The following PARD3 variants were observed in gnomAD, a reference collection of about 807,000 sequenced individuals.
PARD3 encodes partitioning defective 3 homolog.
In PARD3, 75 loss-of-function variants were observed where a neutral mutation model predicts 155.4. The observed-to-expected ratio is 0.48, with a 90% CI of 0.40 to 0.58. The LOEUF (loss-of-function observed/expected upper bound fraction) is 0.58, where lower values mean the gene tolerates loss of function less well. PARD3 is among the 20% of genes least tolerant of loss of function. PARD3 has a pLI of 0.00. For missense variants in PARD3, 1,642 were observed against 1,721.7 expected (o/e 0.95, Z 0.82); for synonymous variants, 576 against 610.5 (o/e 0.94, Z 0.83).
chr10:34,522,262 G>A (rs1229112081), intron 2 of PARD3, among the ~76,000 whole-genome samples: 1 of 152,140 alleles, frequency 6.6e-6, no homozygotes, highest in East Asian at 1.9e-4. Context: ...GACAAACAAA[G>A]GGAGTCATGA....
At chr10:34,395,259 T>C (rs1406891536) in intron 7 of PARD3, among the ~76,000 whole-genome samples, 2 of 152,102 alleles carry the variant, frequency 1.3e-5, no homozygotes, top group African/African-American at 4.8e-5. Flanking sequence ...GGTCTTGAAC[T>C]CTTGACCTGA....
chr10:34,308,854 C>T (rs1002911357), intron 20 of PARD3, among the ~76,000 whole-genome samples: 4 of 152,056 alleles, frequency 2.6e-5, no homozygotes, highest in African/African-American at 9.7e-5. Flanking sequence ...ACCTGGGGCA[C>T]AAGACCTGGA....
chr10:34,569,575 A>G (rs1288529517), intron 2 of PARD3, among the ~76,000 whole-genome samples: 1 of 151,658 alleles, frequency 6.6e-6, no homozygotes, highest in Non-Finnish European at 1.5e-5. Context: ...CCGCCATCAC[A>G]CCCAGCTAAT....
intron 20 of PARD3, among the ~76,000 whole-genome samples, chr10:34,315,531 G>A (rs1361259393): frequency 6.6e-6 from 1 of 152,166 alleles, no homozygotes; most frequent in Non-Finnish European, 1.5e-5. Context: ...AGTCTCAGGG[G>A]AAGGTTTCTC....
At chr10:34,475,638 T>C (rs961221973) in intron 3 of PARD3, among the ~76,000 whole-genome samples, 1 of 152,236 alleles carries the variant, frequency 6.6e-6, no homozygotes, top group South Asian at 2.1e-4. Context: ...TACTGAGTTA[T>C]GCCAATCTTC....
At chr10:34,258,400 G>A (rs563854783) in intron 22 of PARD3, among the ~76,000 whole-genome samples, 1 of 152,186 alleles carries the variant, frequency 6.6e-6, no homozygotes. Flanking sequence ...GTTATCGGGG[G>A]GAGCAGGCTA....
rs1009945835 is a variant in PARD3, at chr10:34,702,336, C to G, written c.121-5917G>C. ...GCGTCACTGCATTCCAGCCTGGGCA[C>G]AGTAAGACCGTGTCTCAGAAAAAAT... On this transcript the variant is annotated intron_variant, in intron 1 of 24. Transcript: ENST00000374788. 2.0e-5 allele frequency among the ~76,000 whole-genome samples: 3 copies of G among 151,758 alleles called. No homozygotes were observed. The East Asian group carries it at 5.8e-4, about 29-fold the overall frequency.
In PARD3 at chr10:34,139,298, C is replaced by T. The variant is rs986138428; in HGVS notation, c.3420-7715G>A. On this transcript the variant is annotated intron_variant, in intron 22 of 24. Transcript: ENST00000374788. ...TCCTTGGGTAACAACTCAATCTTCA[C>T]AGGAGGTTCTTGCACTTCAGTCCCC... 3.3e-5 allele frequency among the ~76,000 whole-genome samples: 5 copies of T among 152,314 alleles called. No homozygotes were observed. In the South Asian group the frequency reaches 6.2e-4, roughly 19 times the overall value.
intron 2 of PARD3, among the ~76,000 whole-genome samples, chr10:34,534,577 T>G (rs1363721134): frequency 6.6e-6 from 1 of 152,126 alleles, no homozygotes; most frequent in Non-Finnish European, 1.5e-5. Flanking sequence ...GCCATAAACT[T>G]CTGAGGTCAT....
intron 2 of PARD3, among the ~76,000 whole-genome samples, chr10:34,568,796 T>C (rs2086161235): frequency 6.6e-6 from 1 of 152,200 alleles, no homozygotes; most frequent in South Asian, 2.1e-4. Flanking sequence ...TTTCCTCAAT[T>C]GTAAAAAAGA....
intron 19 of PARD3, among the ~76,000 whole-genome samples, chr10:34,322,100 A>C (rs1193921614): frequency 6.6e-6 from 1 of 152,146 alleles, no homozygotes; most frequent in East Asian, 1.9e-4. Context: ...GGGTGAATTC[A>C]TTATTAAGTT....
intron 2 of PARD3, among the ~76,000 whole-genome samples, chr10:34,638,957 G>A (rs2092577029): frequency 6.6e-6 from 1 of 152,178 alleles, no homozygotes; most frequent in Non-Finnish European, 1.5e-5. Context: ...ATGAAATACG[G>A]CTCTATGAAG....
At chr10:34,606,344 A>C (rs2090434197) in intron 2 of PARD3, among the ~76,000 whole-genome samples, 1 of 151,908 alleles carries the variant, frequency 6.6e-6, no homozygotes, top group African/African-American at 2.4e-5. Context: ...AGTCACCCAG[A>C]GGAGGAGAAA....
chr10:34,662,523 A>G (rs2093348875), intron 2 of PARD3, among the ~76,000 whole-genome samples: 1 of 152,336 alleles, frequency 6.6e-6, no homozygotes, highest in East Asian at 1.9e-4. Flanking sequence ...TCAACAGATG[A>G]ATGAATAAAG....
intron 7 of PARD3, 59 bp from the exon 8 acceptor site, chr10:34,384,313 T>C: frequency 6.7e-7 from 1 of 1,484,574 alleles, no homozygotes; most frequent in African/African-American, 1.4e-5. Flanking sequence ...GCACACTGCC[T>C]TACCACTTTA....
chr10:34,343,882 A>T, intron 15 of PARD3: 1 of 983,712 alleles, frequency 1.0e-6, no homozygotes, highest in Non-Finnish European at 1.2e-6. Context: ...ATGTTTGTTT[A>T]CTAAACATTT....
At chr10:34,122,120 T>G (rs1245272881) in intron 23 of PARD3, among the ~76,000 whole-genome samples, 2 of 152,222 alleles carry the variant, frequency 1.3e-5, no homozygotes, top group Non-Finnish European at 2.9e-5. Flanking sequence ...GAACCACATT[T>G]TCCTTTCCTT....
intron 9 of PARD3, among the ~76,000 whole-genome samples, chr10:34,378,951 C>G (rs896221701): frequency 6.6e-6 from 1 of 152,078 alleles, no homozygotes. Context: ...AGAATCAAGA[C>G]GCAAGAAGCC....
intron 20 of PARD3, among the ~76,000 whole-genome samples, chr10:34,302,418 C>T (rs1035171646): frequency 1.3e-4 from 20 of 152,118 alleles, no homozygotes; most frequent in Admixed American, 1.3e-3. Flanking sequence ...CATTATTATC[C>T]ACACTTCACA....
Sources: gnomAD v4.1 joint callset for allele counts (sites outside exome capture counted in the v4.1 genomes callset) on GRCh38, gnomAD v4.1.1 for gene constraint, MANE v1.5 for transcripts, NCBI Gene and HGNC (gene_info 2026-07-23, HGNC 2026-07-21) for gene names.